ASTN2: variants seen among roughly 807,000 people sequenced by gnomAD.
ASTN2 encodes the protein astrotactin-2.
In ASTN2, 54 loss-of-function variants were observed where a neutral mutation model predicts 139.8. That is an observed-to-expected ratio of 0.39 (90% CI 0.31 to 0.48). The LOEUF (loss-of-function observed/expected upper bound fraction) is 0.48, where lower values mean the gene tolerates loss of function less well. Among genes scored for constraint, ASTN2 ranks in the 20% least tolerant of loss-of-function variants. The pLI is 0.95. For missense variants in ASTN2, 1,565 were observed against 1,725.1 expected (o/e 0.91, Z 1.64); for synonymous variants, 756 against 719.5 (o/e 1.05, Z -0.81).
intron 19 of ASTN2, among the ~76,000 whole-genome samples, chr9:116,597,246 G>C (rs907419754): frequency 1.4e-5 from 2 of 146,470 alleles, no homozygotes; most frequent in East Asian, 4.2e-4. Flanking sequence ...CCAACTCTTT[G>C]AAACTTGAAT....
chr9:116,725,228 A>G (rs1396246314), intron 16 of ASTN2, among the ~76,000 whole-genome samples: 1 of 152,166 alleles, frequency 6.6e-6, no homozygotes, highest in East Asian at 1.9e-4. Flanking sequence ...AATTCTGATA[A>G]TAGCTGAGAG....
chr9:116,957,784 G>A (rs1449308340), intron 10 of ASTN2, among the ~76,000 whole-genome samples: 1 of 152,154 alleles, frequency 6.6e-6, no homozygotes, highest in African/African-American at 2.4e-5. Flanking sequence ...AGGTTGAAGC[G>A]ATTCTCCTGT....
chr9:116,626,026 C>G (rs1213711625), intron 17 of ASTN2, among the ~76,000 whole-genome samples: 1 of 152,022 alleles, frequency 6.6e-6, no homozygotes, highest in Non-Finnish European at 1.5e-5. Context: ...GTTGCCCAGG[C>G]TAGAGTGCGG....
chr9:116,516,805 T>C (rs995632280), intron 19 of ASTN2, among the ~76,000 whole-genome samples: 18 of 152,346 alleles, frequency 1.2e-4, no homozygotes, highest in Middle Eastern at 3.4e-3. Flanking sequence ...CTTTTAGGAC[T>C]GTGGGCTGCA....
chr9:117,293,356 G>T (rs1281626978), intron 1 of ASTN2, among the ~76,000 whole-genome samples: 4 of 152,284 alleles, frequency 2.6e-5, no homozygotes, highest in African/African-American at 7.2e-5. Context: ...CCAAGCAAAA[G>T]TCATCTCACA....
chr9:116,752,778 C>T (rs905507282), intron 13 of ASTN2, among the ~76,000 whole-genome samples: 1 of 152,156 alleles, frequency 6.6e-6, no homozygotes, highest in Non-Finnish European at 1.5e-5. Context: ...ACACATCATC[C>T]CATGTCATTC....
chr9:117,179,761 G>C (rs1831010169), intron 3 of ASTN2, among the ~76,000 whole-genome samples: 1 of 152,212 alleles, frequency 6.6e-6, no homozygotes, highest in African/African-American at 2.4e-5. Flanking sequence ...GATTCTGAAA[G>C]ACCCCACTGC....
intron 12 of ASTN2, among the ~76,000 whole-genome samples, chr9:116,819,419 C>T (rs1010919480): frequency 3.3e-5 from 5 of 152,134 alleles, no homozygotes; most frequent in East Asian, 1.9e-4. Flanking sequence ...CTAGGGCCTC[C>T]AGTGAGCTGC....
At chr9:116,717,740 T>G (rs1828353044) in intron 16 of ASTN2, among the ~76,000 whole-genome samples, 1 of 152,224 alleles carries the variant, frequency 6.6e-6, no homozygotes. Flanking sequence ...GTCAGTGCTT[T>G]CAAATTTTCA....
intron 2 of ASTN2, among the ~76,000 whole-genome samples, chr9:117,216,204 G>A (rs1334365598): frequency 6.6e-6 from 1 of 152,202 alleles, no homozygotes; most frequent in East Asian, 1.9e-4. Flanking sequence ...GAAGAACACT[G>A]TTTGCTGAAA....
At chr9:116,980,506 G>A (rs921850557) in intron 7 of ASTN2, among the ~76,000 whole-genome samples, 3 of 151,926 alleles carry the variant, frequency 2.0e-5, no homozygotes, top group East Asian at 1.9e-4. Context: ...TATTAGACAT[G>A]TAGAGACACA....
chr9:116,574,707 C>A (rs1008829666), intron 19 of ASTN2, among the ~76,000 whole-genome samples: 2 of 152,204 alleles, frequency 1.3e-5, no homozygotes, highest in African/African-American at 2.4e-5. Flanking sequence ...CCCGTTTCTA[C>A]CGACTGTGTG....
At chr9:116,647,037 C>T (rs1320997225) in intron 17 of ASTN2, among the ~76,000 whole-genome samples, 7 of 152,188 alleles carry the variant, frequency 4.6e-5, no homozygotes, top group Non-Finnish European at 1.0e-4. Context: ...TCATTCTCCT[C>T]TTCCTTTCTG....
At chr9:117,097,512 A>C (rs1828869954) in intron 4 of ASTN2, among the ~76,000 whole-genome samples, 1 of 152,144 alleles carries the variant, frequency 6.6e-6, no homozygotes. Context: ...TGGTATTTAA[A>C]ATTGTTTCAT....
In ASTN2 at chr9:116,805,551, A is replaced by G. The variant is rs531421824; in HGVS notation, c.2396+81T>C. On this transcript the variant is annotated intron_variant, in intron 13 of 22. Transcript: ENST00000313400. ...GGCCAGAATAACAGGTCTCTACCCC[A>G]TTGTGCCCATGGCTTCCTCCCTGTG... 26 of 1,341,150 alleles carry G rather than the reference A, an allele frequency of 1.9e-5. No individual in the cohort carries two copies. The South Asian group carries it at 3.1e-4, about 16-fold the overall frequency. 83.1% of individuals were successfully genotyped at this position (1,341,150 alleles called of 1,614,324 possible).
intron 13 of ASTN2, among the ~76,000 whole-genome samples, chr9:116,796,795 C>T (rs531156512): frequency 6.6e-6 from 1 of 152,178 alleles, no homozygotes; most frequent in South Asian, 2.1e-4. Context: ...ACTCAAATTT[C>T]ACTAAGATAT....
rs571654004 is a variant in ASTN2, at chr9:116,476,226, C to G, written c.3497+11133G>C. On this transcript the variant is annotated intron_variant, in intron 20 of 22. Transcript: ENST00000313400. ...TCTGTCTTCACATGCCTTCTTTGCT[C>G]TGTCTTCTCAGAGCGGCATCAGTCA... Among the ~76,000 whole-genome samples the G allele has an allele frequency of 4.9e-3, 746 of 152,334 alleles. 2 individuals are homozygous for G. Among genetic ancestry groups the G allele is most frequent in the Middle Eastern group, 0.024 (7 of 294 alleles).
chr9:116,834,737 C>T (rs1831932203), intron 11 of ASTN2, among the ~76,000 whole-genome samples: 1 of 152,154 alleles, frequency 6.6e-6, no homozygotes, highest in Admixed American at 6.5e-5. Context: ...TAATTTATGC[C>T]TTTTAATTTT....
At chr9:116,473,936 A>G (rs1281244586) in intron 20 of ASTN2, among the ~76,000 whole-genome samples, 2 of 152,020 alleles carry the variant, frequency 1.3e-5, no homozygotes, top group African/African-American at 4.8e-5. Flanking sequence ...GAAAGATCTT[A>G]TATGTACTTG....
Sources: allele counts gnomAD v4.1 joint callset (sites outside exome capture counted in the v4.1 genomes callset), GRCh38; gene constraint gnomAD v4.1.1; transcripts MANE v1.5; gene names NCBI Gene and HGNC (gene_info 2026-07-23, HGNC 2026-07-21).